FGF12: variants seen among roughly 807,000 people sequenced by gnomAD.
FGF12 encodes the protein fibroblast growth factor 12.
FGF12 carries 14 observed loss-of-function variants against 23.6 expected under a neutral mutation model. The observed-to-expected ratio is 0.59, with a 90% CI of 0.39 to 0.93. The LOEUF is 0.93. Among genes scored for constraint, FGF12 ranks in the 40% least tolerant of loss-of-function variants. FGF12 has a pLI of 0.00. For missense variants in FGF12, 175 were observed against 217.8 expected, an observed-to-expected ratio of 0.80 and a Z score of 1.24; for synonymous variants, 62 against 77.3, an observed-to-expected ratio of 0.80 and a Z score of 1.04.
At chr3:192,273,313 G>A (rs1245132577) in intron 4 of FGF12, among the ~76,000 whole-genome samples, 1 of 151,990 alleles carries the variant, frequency 6.6e-6, no homozygotes, top group Non-Finnish European at 1.5e-5. Flanking sequence ...AGTGGAAAAG[G>A]GAAAATATAT....
chr3:192,476,543 C>T (rs1000354305), intron 2 of FGF12, among the ~76,000 whole-genome samples: 1 of 152,146 alleles, frequency 6.6e-6, no homozygotes, highest in African/African-American at 2.4e-5. Context: ...CTGTAATATG[C>T]CCCCTGTTTA....
chr3:192,578,371 G>A (rs1712996696), intron 2 of FGF12, among the ~76,000 whole-genome samples: 1 of 152,160 alleles, frequency 6.6e-6, no homozygotes. Context: ...CACGCAGCTA[G>A]GAAATATTTA....
chr3:192,683,954 T>A (rs1717637770), intron 2 of FGF12, among the ~76,000 whole-genome samples: 1 of 152,198 alleles, frequency 6.6e-6, no homozygotes, highest in Non-Finnish European at 1.5e-5. Context: ...CTGGAATTCT[T>A]TTGTGAAAGG....
intron 4 of FGF12, among the ~76,000 whole-genome samples, chr3:192,283,770 G>A (rs1450965242): frequency 6.6e-6 from 1 of 152,054 alleles, no homozygotes; most frequent in African/African-American, 2.4e-5. Flanking sequence ...TTAAAAGGTG[G>A]TGGGAGAGTG....
In FGF12 at chr3:192,435,070, G is replaced by A. The variant is rs370313114; in HGVS notation, c.14-74532C>T. On this transcript the variant is annotated intron_variant, in intron 2 of 5. Coordinates refer to ENST00000445105, the MANE Select transcript of FGF12 (RefSeq NM_004113.6). ...TTGGACAACTCCAGCTCCTATCCCC[G>A]TCTTGGTCTCATTTTCCTCAACAGG... Among the ~76,000 whole-genome samples the A allele has an allele frequency of 2.2e-4, 34 of 152,108 alleles. No individual in the cohort carries two copies. In the East Asian group the frequency reaches 5.0e-3, roughly 23 times the overall value.
rs187866136 is a variant in FGF12 at position 192,271,625 on chromosome 3, T to C, written c.228+63736A>G. The stretch of plus-strand genomic sequence containing the variant: ...ACTAATGGTATCTTCCAACCTTTAC[T>C]TAATTTACTCCTAATTTTTCCTTTA... On this transcript the variant is annotated intron_variant, in intron 4 of 5. Coordinates refer to ENST00000445105, the MANE Select transcript of FGF12 (RefSeq NM_004113.6). Among the ~76,000 whole-genome samples the C allele has an allele frequency of 1.6e-3, 246 of 152,350 alleles. 2 individuals carry two copies. Among genetic ancestry groups the C allele is most frequent in the African/African-American group, 5.6e-3 (234 of 41,592 alleles).
chr3:192,637,314 T>C (rs1053595972), intron 2 of FGF12, among the ~76,000 whole-genome samples: 1 of 152,204 alleles, frequency 6.6e-6, no homozygotes, highest in African/African-American at 2.4e-5. Flanking sequence ...CTTTCACTCA[T>C]ATTTCCTTTC....
chr3:192,443,177 A>G (rs1722254140), intron 2 of FGF12, among the ~76,000 whole-genome samples: 1 of 152,118 alleles, frequency 6.6e-6, no homozygotes, highest in Non-Finnish European at 1.5e-5. Flanking sequence ...GGAAGACTGG[A>G]TTTCAGTTGA....
At chr3:192,213,165 C>G (rs1005096124) in intron 4 of FGF12, among the ~76,000 whole-genome samples, 1 of 152,260 alleles carries the variant, frequency 6.6e-6, no homozygotes, top group African/African-American at 2.4e-5. Context: ...TTCCTTCCCC[C>G]TTGTAAGCAC....
chr3:192,363,157 G>A (rs190397811), intron 2 of FGF12, among the ~76,000 whole-genome samples: 3 of 151,694 alleles, frequency 2.0e-5, no homozygotes, highest in East Asian at 3.9e-4. Flanking sequence ...GTTAATGGGT[G>A]CAGCACACCA....
intron 2 of FGF12, among the ~76,000 whole-genome samples, chr3:192,603,217 C>A (rs927399454): frequency 6.6e-6 from 1 of 152,062 alleles, no homozygotes; most frequent in Non-Finnish European, 1.5e-5. Flanking sequence ...TCAAAGGCAT[C>A]CAAATAGGAA....
chr3:192,296,062 C>CTTTTTTTTT (rs34021285), intron 4 of FGF12, among the ~76,000 whole-genome samples: 6 of 78,092 alleles, frequency 7.7e-5, no homozygotes, highest in East Asian at 5.6e-4. Context: ...GTTTTTCTTT[C>CTTTTTTTTT]TTTTTTTTTT....
Position 192,295,303 on chromosome 3 carries a change from G to C in FGF12, c.228+40058C>G, listed in dbSNP as rs561411048. Reference sequence around the variant, plus strand: ...TTATCTATCCACTACAAAACAGCATGTTAATTTTGGAAATATTTATACCAC... The same window carrying C: ...TTATCTATCCACTACAAAACAGCATCTTAATTTTGGAAATATTTATACCAC... On this transcript the variant is annotated intron_variant, in intron 4 of 5. Transcript: ENST00000445105. Among the ~76,000 whole-genome samples the C allele has an allele frequency of 7.6e-4, 116 of 152,294 alleles. 3 individuals carry two copies. In the South Asian group the frequency reaches 0.018, roughly 23 times the overall value.
At chr3:192,714,471 CTGTTA>C (rs1379940111) in intron 2 of FGF12, among the ~76,000 whole-genome samples, 1 of 145,980 alleles carries the variant, frequency 6.9e-6, no homozygotes, top group African/African-American at 2.6e-5. Flanking sequence ...AGTTTTTAGT[CTGTTA>C]TAATTCTGAG....
chr3:192,624,240 A>G (rs931587962), intron 2 of FGF12, among the ~76,000 whole-genome samples: 18 of 152,148 alleles, frequency 1.2e-4, no homozygotes, highest in Non-Finnish European at 2.6e-4. Flanking sequence ...AACTAATAAA[A>G]TCCCTATTAA....
rs148616852 is a variant in FGF12, at chr3:192,510,496, C to G, written c.14-149958G>C. ...CAACACTGACAAAAATGTGGAGCACCAGGAACCTGCATTCATTGCTGGTGG... is the reference window on the plus strand; with the variant it reads ...CAACACTGACAAAAATGTGGAGCACGAGGAACCTGCATTCATTGCTGGTGG... On this transcript the variant is annotated intron_variant, in intron 2 of 5. Coordinates refer to ENST00000445105, the MANE Select transcript of FGF12 (RefSeq NM_004113.6). Among the ~76,000 whole-genome samples the G allele has an allele frequency of 2.6e-3, 392 of 152,212 alleles. 2 individuals carry two copies. Among genetic ancestry groups the G allele is most frequent in the African/African-American group, 8.8e-3 (367 of 41,532 alleles).
At chr3:192,149,541 A>T (rs1713934155) in intron 5 of FGF12, among the ~76,000 whole-genome samples, 1 of 100,932 alleles carries the variant, frequency 9.9e-6, no homozygotes. Flanking sequence ...TTCAATTCCC[A>T]CCTATGAGTG....
chr3:192,167,772 A>ATATATATTTTT (rs1715302128), intron 5 of FGF12, among the ~76,000 whole-genome samples: 1 of 15,404 alleles, frequency 6.5e-5, no homozygotes, highest in African/African-American at 2.2e-4. Context: ...TATATATAAA[A>ATATATATTTTT]TTTTTTTTTT....
At chr3:192,300,632 T>TTA (rs1715290416) in intron 4 of FGF12, among the ~76,000 whole-genome samples, 1 of 151,884 alleles carries the variant, frequency 6.6e-6, no homozygotes, top group African/African-American at 2.4e-5. Context: ...ATGTATTTTT[T>TTA]TATATATAAA....
Sources: gnomAD v4.1 joint callset for allele counts (sites outside exome capture counted in the v4.1 genomes callset) on GRCh38, gnomAD v4.1.1 for gene constraint, MANE v1.5 for transcripts, NCBI Gene and HGNC (gene_info 2026-07-23, HGNC 2026-07-21) for gene names.